Variants in ZNF79 observed in about 807,000 individuals in gnomAD.
ZNF79 encodes zinc finger protein 79.
A neutral mutation model predicts 14.9 loss-of-function variants in ZNF79; 13 were observed. The observed-to-expected ratio is 0.87, with a 90% CI of 0.57 to 1.38. The LOEUF (loss-of-function observed/expected upper bound fraction) is 1.38, where lower values mean the gene tolerates loss of function less well. ZNF79 is among the 40% of genes most tolerant of loss of function. The probability of loss-of-function intolerance (pLI) is 0.00; values close to 1 mark genes in which losing one functional copy is unlikely to be tolerated. For missense variants in ZNF79, 631 were observed against 630.6 expected (o/e 1.00, Z -0.01); for synonymous variants, 223 against 235.1 (o/e 0.95, Z 0.47).
intron 4 of ZNF79, among the ~76,000 whole-genome samples, chr9:127,440,985 A>G (rs1251240709): frequency 6.6e-6 from 1 of 152,030 alleles, no homozygotes; most frequent in African/African-American, 2.4e-5. Context: ...TGGAGCCAGC[A>G]CTCGAGAGAG....
In ZNF79 at chr9:127,424,701, G is replaced by A; in HGVS notation, c.-87G>A. ...GTCCGGCCTGGGAGCCGTCAGAGCA[G>A]CCCTGCAGAACGGGGTGGGGGCTGC... On this transcript the variant is annotated 5_prime_UTR_variant, in exon 1 of 5. Transcript: ENST00000342483. The A allele has an allele frequency of 1.2e-6, 2 of 1,600,238 alleles. No individual in the cohort carries two copies. Among genetic ancestry groups the A allele is most frequent in the Non-Finnish European group, 1.7e-6 (2 of 1,171,366 alleles).
At chr9:127,441,316 T>A (rs1362488872) in intron 4 of ZNF79, among the ~76,000 whole-genome samples, 4 of 152,174 alleles carry the variant, frequency 2.6e-5, no homozygotes, top group Non-Finnish European at 5.9e-5. Context: ...AGATAGCACT[T>A]ACTGTGTCTC....
intron 4 of ZNF79, among the ~76,000 whole-genome samples, chr9:127,437,713 A>G (rs1433123530): frequency 6.6e-6 from 1 of 151,548 alleles, no homozygotes. Context: ...AATCTTCGGC[A>G]TTTGTTGGCT....
At chr9:127,431,762 G>C (rs536342552) in intron 2 of ZNF79, among the ~76,000 whole-genome samples, 6 of 152,238 alleles carry the variant, frequency 3.9e-5, no homozygotes, top group East Asian at 3.9e-4. Context: ...TTTGTCGATG[G>C]TGAAAGGTAG....
chr9:127,424,595 C>A lies in ZNF79; in HGVS notation c.-193C>A. ...TCGGGAGACGGAGTGGAACACCCGG[C>A]TGGGCAGGCCCGGACAGCTCCCGCG... On this transcript the variant is annotated 5_prime_UTR_variant, in exon 1 of 5. The change creates a new upstream start codon in the 5' untranslated region. Coordinates refer to ENST00000342483, the MANE Select transcript of ZNF79 (RefSeq NM_007135.3). 3.0e-6 allele frequency: 2 copies of A among 660,854 alleles called. No homozygotes were observed. The highest frequency in any genetic ancestry group is 2.2e-5 in the South Asian group (1 of 45,096). The allele number at this position is 660,854 out of a possible 1,614,324, so 40.9% of individuals were successfully genotyped here.
chr9:127,434,434 T>C (rs538754697), intron 2 of ZNF79, among the ~76,000 whole-genome samples: 5 of 152,364 alleles, frequency 3.3e-5, no homozygotes, highest in Non-Finnish European at 5.9e-5. Flanking sequence ...CTTCACTGTA[T>C]CAACTCACAT....
In ZNF79 at chr9:127,432,308, C is replaced by T. The variant is rs565531044; in HGVS notation, c.106-2782C>T. On this transcript the variant is annotated intron_variant, in intron 2 of 4. Coordinates refer to ENST00000342483, the MANE Select transcript of ZNF79 (RefSeq NM_007135.3). Reference sequence around the variant, plus strand: ...GAATACAGGCGTCCGCCACCACACCCGGCTAATTTTTTTGTATTTTTAGTA... The same window carrying T: ...GAATACAGGCGTCCGCCACCACACCTGGCTAATTTTTTTGTATTTTTAGTA... Among the ~76,000 whole-genome samples the T allele has an allele frequency of 4.8e-3, 727 of 151,974 alleles. 3 individuals carry two copies. Among genetic ancestry groups the T allele is most frequent in the Non-Finnish European group, 8.0e-3 (545 of 67,940 alleles).
At chr9:127,433,239 GA>G (rs1419049904) in intron 2 of ZNF79, among the ~76,000 whole-genome samples, 1 of 152,172 alleles carries the variant, frequency 6.6e-6, no homozygotes, top group Non-Finnish European at 1.5e-5. Flanking sequence ...TAGGGGAGTG[GA>G]AATAATCGGG....
intron 4 of ZNF79, among the ~76,000 whole-genome samples, chr9:127,439,957 G>C (rs1564236644): frequency 6.6e-6 from 1 of 152,126 alleles, no homozygotes; most frequent in East Asian, 1.9e-4. Context: ...CCACCTCCCG[G>C]GTTCATGCCA....
At chr9:127,431,788 C>A (rs1221813831) in intron 2 of ZNF79, among the ~76,000 whole-genome samples, 4 of 152,192 alleles carry the variant, frequency 2.6e-5, no homozygotes, top group Non-Finnish European at 5.9e-5. Context: ...CAGTTTCACT[C>A]TTCTGCATAT....
chr9:127,426,224 TTTG>T (rs1300385996), intron 1 of ZNF79, among the ~76,000 whole-genome samples: 2 of 152,176 alleles, frequency 1.3e-5, no homozygotes, highest in Non-Finnish European at 2.9e-5. Flanking sequence ...CCAGAACATT[TTTG>T]TTATCTGAAG....
intron 2 of ZNF79, among the ~76,000 whole-genome samples, chr9:127,429,593 A>C (rs1005899088): frequency 6.6e-6 from 1 of 151,560 alleles, no homozygotes; most frequent in Admixed American, 6.6e-5. Flanking sequence ...TGCCTCCCAA[A>C]GTGCTGGGAT....
At chr9:127,442,959 A>G (rs1485046372) in intron 4 of ZNF79, among the ~76,000 whole-genome samples, 2 of 152,204 alleles carry the variant, frequency 1.3e-5, no homozygotes, top group Non-Finnish European at 2.9e-5. Context: ...TAACAGGATC[A>G]TGCGTATCAC....
chr9:127,435,893 T>C lies in ZNF79; in HGVS notation c.233-15T>C. ...TACTTACAATTTCTAAAGCCTGTTTTTTCCCGTTGAATAGGACTTCCAGTT... is the reference window on the plus strand; with the variant it reads ...TACTTACAATTTCTAAAGCCTGTTTCTTCCCGTTGAATAGGACTTCCAGTT... On this transcript the variant is annotated splice_polypyrimidine_tract_variant and intron_variant, in intron 3 of 4. Coordinates refer to ENST00000342483, the MANE Select transcript of ZNF79 (RefSeq NM_007135.3). 6.2e-7 allele frequency: 1 copy of C among 1,612,856 alleles called. No homozygotes were observed. Among genetic ancestry groups the C allele is most frequent in the Non-Finnish European group, 8.5e-7 (1 of 1,178,872 alleles).
At chr9:127,433,645 C>T (rs1182526196) in intron 2 of ZNF79, among the ~76,000 whole-genome samples, 2 of 152,194 alleles carry the variant, frequency 1.3e-5, no homozygotes, top group Non-Finnish European at 2.9e-5. Flanking sequence ...CCAGAGTCTC[C>T]TAACTCCAGA....
chr9:127,439,293 A>G (rs1834008778), intron 4 of ZNF79, among the ~76,000 whole-genome samples: 2 of 152,162 alleles, frequency 1.3e-5, no homozygotes, highest in African/African-American at 4.8e-5. Flanking sequence ...CATTAACTAC[A>G]TGGATTCCAG....
In ZNF79 at chr9:127,444,968, G is replaced by T; in HGVS notation, c.1268G>T (p.Gly423Val). 1 of 1,614,188 alleles carries T rather than the reference G, an allele frequency of 6.2e-7. No homozygotes were observed. The highest frequency in any genetic ancestry group is 8.5e-7 in the Non-Finnish European group (1 of 1,180,042). ...GEKPYKCNECGKFFSESSALI... is the reference protein window; with the variant it reads ...GEKPYKCNECVKFFSESSALI... ...AAGCCATATAAATGTAATGAATGTG[G>T]GAAATTCTTCAGTGAGAGCTCAGCC... is the stretch of plus-strand genomic sequence containing the variant. Residue 423 changes from glycine to valine, a missense_variant, in exon 5 of 5, where the codon GGG (glycine) becomes GTG (valine). Transcript: ENST00000342483.
chr9:127,435,344 C>A, intron 3 of ZNF79, 128 bp downstream of exon 3: 1 of 1,171,508 alleles, frequency 8.5e-7, no homozygotes, highest in Non-Finnish European at 1.2e-6. Context: ...TCCTCTTGTT[C>A]TCTTGGGGAA....
At chr9:127,438,065 G>A (rs551587595) in intron 4 of ZNF79, among the ~76,000 whole-genome samples, 5 of 152,172 alleles carry the variant, frequency 3.3e-5, no homozygotes, top group African/African-American at 1.2e-4. Flanking sequence ...GCCCCTGAGC[G>A]GAAAACCACA....
Sources: allele counts gnomAD v4.1 joint callset (sites outside exome capture counted in the v4.1 genomes callset), GRCh38; gene constraint gnomAD v4.1.1; transcripts MANE v1.5; gene names NCBI Gene and HGNC (gene_info 2026-07-23, HGNC 2026-07-21).